The following CD96 variants were observed in gnomAD, a reference collection of about 807,000 sequenced individuals.
CD96 encodes T-cell surface protein tactile.
CD96 carries 70 observed loss-of-function variants against 71.3 expected under a neutral mutation model. That is an observed-to-expected ratio of 0.98 (90% confidence interval 0.81 to 1.20). The LOEUF is 1.20. Ranked by LOEUF, CD96 falls within the 50% of genes most tolerant of loss-of-function variation. The probability of loss-of-function intolerance (pLI) is 0.00; values close to 1 mark genes in which losing one functional copy is unlikely to be tolerated. For synonymous variants in CD96, 248 were observed against 233.0 expected (o/e 1.06, Z -0.59); for missense variants, 742 against 677.5 (o/e 1.10, Z -1.06).
intron 2 of CD96, among the ~76,000 whole-genome samples, chr3:111,552,840 C>A (rs780916844): frequency 6.6e-6 from 1 of 152,052 alleles, no homozygotes; most frequent in Non-Finnish European, 1.5e-5. Flanking sequence ...ATTCATGAAA[C>A]AACTATAAAA....
intron 11 of CD96, among the ~76,000 whole-genome samples, 181 bp downstream of exon 11, chr3:111,637,442 G>T (rs911879633): frequency 2.6e-5 from 4 of 152,042 alleles, no homozygotes; most frequent in African/African-American, 9.7e-5. Flanking sequence ...AGAAGATAGA[G>T]ACCAAGCCTT....
intron 2 of CD96, among the ~76,000 whole-genome samples, chr3:111,561,064 T>A (rs201425221): frequency 8.1e-6 from 1 of 124,020 alleles, no homozygotes. Flanking sequence ...CTCCATCAGC[T>A]CCTTTAAGCA....
Position 111,647,534 on chromosome 3 carries a change from C to G in CD96, c.1478-9C>G. ...GATTAAAGTTCATCTTTCTTTATGC[C>G]CTTTTCAGGTATTGTGGTCAATAAG... On this transcript the variant is annotated splice_polypyrimidine_tract_variant and intron_variant, in intron 12 of 13. Transcript: ENST00000352690. 1 of 1,611,156 alleles carries G rather than the reference C, an allele frequency of 6.2e-7. No homozygotes were observed. The highest frequency in any genetic ancestry group is 8.5e-7 in the Non-Finnish European group (1 of 1,177,664).
chr3:111,556,838 C>A (rs1008584456), intron 2 of CD96, among the ~76,000 whole-genome samples: 1 of 151,378 alleles, frequency 6.6e-6, no homozygotes, highest in Non-Finnish European at 1.5e-5. Flanking sequence ...AAAAGTGTTC[C>A]TGTTTCTCCA....
intron 8 of CD96, among the ~76,000 whole-genome samples, chr3:111,608,375 T>C (rs746789544): frequency 1.3e-5 from 2 of 152,248 alleles, no homozygotes; most frequent in Non-Finnish European, 2.9e-5. Context: ...ACTAGGTCCA[T>C]CTTATACTCA....
At chr3:111,657,278 C>T (rs567536940), downstream of CD96, among the ~76,000 whole-genome samples, 1 of 152,062 alleles carries the variant, frequency 6.6e-6, no homozygotes, top group South Asian at 2.1e-4. Flanking sequence ...ATTAGCCAGG[C>T]ATGGTGGCAT....
chr3:111,632,642 C>A (rs757186711), intron 10 of CD96, among the ~76,000 whole-genome samples: 2 of 152,160 alleles, frequency 1.3e-5, no homozygotes, highest in Non-Finnish European at 2.9e-5. Context: ...GAATATAAAT[C>A]ATTCTATTAT....
chr3:111,571,231 T>G lies in CD96; in HGVS notation c.543+3584T>G, dbSNP rs527338821. On this transcript the variant is annotated intron_variant, in intron 3 of 13. Transcript: ENST00000352690. ...GTTTTTGGTTTTTGGTTTTTTTTTT[T>G]TATTGCTCATTTCAAAAATCTCCAG... Among the ~76,000 whole-genome samples the G allele has an allele frequency of 6.5e-3, 972 of 149,490 alleles. 11 individuals are homozygous for G. The highest frequency in any genetic ancestry group is 0.022 in the African/African-American group (898 of 40,344).
chr3:111,625,988 G>C (rs763507086), intron 10 of CD96, among the ~76,000 whole-genome samples: 1 of 152,118 alleles, frequency 6.6e-6, no homozygotes, highest in South Asian at 2.1e-4. Flanking sequence ...TGAAACACAC[G>C]TGGCTAGAAA....
intron 3 of CD96, chr3:111,577,581 G>A: frequency 2.2e-6 from 3 of 1,390,288 alleles, no homozygotes; most frequent in Non-Finnish European, 3.1e-6. Flanking sequence ...AAAGAATTCA[G>A]CAGAGTATGA....
At chr3:111,660,367 G>T (rs1940326809) in intron 14 of CD96, among the ~76,000 whole-genome samples, 1 of 152,126 alleles carries the variant, frequency 6.6e-6, no homozygotes, top group South Asian at 2.1e-4. Flanking sequence ...AATCAGAGAT[G>T]ACACAAATAA....
rs1476626586 is a variant in CD96 at position 111,650,144 on chromosome 3, T to G, written c.*338T>G. 3.0e-6 allele frequency: 1 copy of G among 335,150 alleles called. No homozygotes were observed. The highest frequency in any genetic ancestry group is 5.8e-6 in the Non-Finnish European group (1 of 171,346). The allele number at this position is 335,150 out of a possible 1,614,324, so 20.8% of individuals were successfully genotyped here. ...ATGGAGGGACAACAATGGTTTCAAC[T>G]GTATGCCCATGCCTGATCCTCTTAT... On this transcript the variant is annotated 3_prime_UTR_variant, in exon 14 of 14. Transcript: ENST00000352690.
intron 8 of CD96, among the ~76,000 whole-genome samples, chr3:111,610,862 G>A (rs151257116): frequency 5.9e-5 from 9 of 152,182 alleles, no homozygotes; most frequent in East Asian, 5.8e-4. Flanking sequence ...TAAGAGTTAC[G>A]TAGCCTAAGA....
At position 111,571,687 on chromosome 3, in the gene CD96, G is replaced by C. The variant is rs190989088; in HGVS notation, c.543+4040G>C. ...CTTTCTAAAGAAACCTTTCTTCAAA[G>C]GGAACATGGTGTTGGCAAATGTGCT... On this transcript the variant is annotated intron_variant, in intron 3 of 13. Coordinates refer to ENST00000352690, the MANE Select transcript of CD96 (RefSeq NM_005816.5). Among the ~76,000 whole-genome samples, 681 of 152,266 alleles carry C rather than the reference G, an allele frequency of 4.5e-3. 7 individuals carry two copies. The highest frequency in any genetic ancestry group is 7.6e-3 in the Non-Finnish European group (515 of 68,006).
At chr3:111,607,040 C>T (rs1300325288) in intron 8 of CD96, 1 of 544,416 alleles carries the variant, frequency 1.8e-6, no homozygotes. Context: ...CAGCCAATTT[C>T]AGAACATTTT....
rs554680311 is a variant in CD96 at position 111,636,034 on chromosome 3, A to G, written c.1322-1162A>G. ...AAATTCTTAGTCCATCATCATCAAT[A>G]GACCTTGATATTCTGTCTAGAACAA... On this transcript the variant is annotated intron_variant, in intron 10 of 13. Transcript: ENST00000352690. Among the ~76,000 whole-genome samples, 6 of 152,364 alleles carry G rather than the reference A, an allele frequency of 3.9e-5. No homozygotes were observed. The South Asian group carries it at 1.2e-3, about 32-fold the overall frequency.
chr3:111,661,079 A>G lies in CD96; in HGVS notation c.*53-4448A>G, dbSNP rs114235604. On this transcript the variant is annotated intron_variant and NMD_transcript_variant, in intron 14 of 14. Coordinates refer to the CD96 transcript ENST00000494798. ...GGAATGGCTGGGGAAGCCTCAGGAAACTTAACAATCATGGCAGAAGGGTGA... is the reference window on the plus strand; with the variant it reads ...GGAATGGCTGGGGAAGCCTCAGGAAGCTTAACAATCATGGCAGAAGGGTGA... Among the ~76,000 whole-genome samples the G allele has an allele frequency of 3.7e-3, 557 of 152,290 alleles. 3 individuals are homozygous for G. The highest frequency in any genetic ancestry group is 0.013 in the African/African-American group (529 of 41,556).
chr3:111,610,780 A>T (rs930989801), intron 8 of CD96, among the ~76,000 whole-genome samples: 1 of 152,214 alleles, frequency 6.6e-6, no homozygotes, highest in Non-Finnish European at 1.5e-5. Flanking sequence ...GGCTGTACAG[A>T]CACAATTCAG....
chr3:111,563,077 A>G (rs988882791), intron 2 of CD96, among the ~76,000 whole-genome samples: 1 of 152,220 alleles, frequency 6.6e-6, no homozygotes, highest in African/African-American at 2.4e-5. Flanking sequence ...GGAAGGCAGA[A>G]GGGCAAGAGA....
Sources: allele counts gnomAD v4.1 joint callset (sites outside exome capture counted in the v4.1 genomes callset), GRCh38; gene constraint gnomAD v4.1.1; transcripts MANE v1.5; gene names NCBI Gene and HGNC (gene_info 2026-07-23, HGNC 2026-07-21).